The following PCDHGA12 variants were observed in gnomAD, a reference collection of about 807,000 sequenced individuals.
PCDHGA12 encodes the protein protocadherin gamma-A12.
Under a neutral mutation model 61.1 loss-of-function variants are expected in PCDHGA12, and 43 were observed. The observed-to-expected ratio is 0.70, with a 90% CI of 0.55 to 0.91. PCDHGA12 has a LOEUF of 0.91. Among genes scored for constraint, PCDHGA12 ranks in the 40% least tolerant of loss-of-function variants. The pLI, the probability that PCDHGA12 is intolerant of heterozygous loss-of-function variation, is 0.00. For synonymous variants in PCDHGA12, 520 were observed against 542.9 expected (o/e 0.96, Z 0.59); for missense variants, 1,236 against 1,227.7 (o/e 1.01, Z -0.10).
chr5:141,470,708 A>T (rs1293545270), intron 1 of PCDHGA12, among the ~76,000 whole-genome samples: 1 of 151,804 alleles, frequency 6.6e-6, no homozygotes. Flanking sequence ...TTTTTATTTT[A>T]TTTTTTTGAG....
chr5:141,470,742 G>T (rs2099238719), intron 1 of PCDHGA12, among the ~76,000 whole-genome samples: 1 of 152,066 alleles, frequency 6.6e-6, no homozygotes, highest in African/African-American at 2.4e-5. Flanking sequence ...CTGTCGCCCT[G>T]GCTGGAGTGC....
rs764482722 is a variant in PCDHGA12 at position 141,432,066 on chromosome 5, C to T, written c.1307C>T (p.Thr436Ile). 62 of 1,614,062 alleles carry T rather than the reference C, an allele frequency of 3.8e-5. No individual in the cohort carries two copies. The highest frequency in any genetic ancestry group is 5.2e-5 in the Non-Finnish European group (61 of 1,180,046). The change falls in exon 1 of 4, where the codon ACT becomes ATT. Residue 436 changes from threonine (T) to isoleucine (I), a missense_variant. Coordinates refer to ENST00000252085, the MANE Select transcript of PCDHGA12 (RefSeq NM_003735.3). The surrounding 1 kb of genome is among the most constrained non-coding windows in gnomAD (Gnocchi z 6.0). ...GGAACCCCGCCCCTATCCACGGAAA[C>T]TCATATCTCGCTGAACGTGGCAGAC... ...DRGTPPLSTE[T>I]HISLNVADTN...
chr5:141,480,224 T>G (rs2099514647), intron 1 of PCDHGA12, among the ~76,000 whole-genome samples: 1 of 146,584 alleles, frequency 6.8e-6, no homozygotes, highest in Non-Finnish European at 1.5e-5. Context: ...AGCGACATAG[T>G]GAGATCCTGT....
At chr5:141,502,534 C>T (rs565889110) in intron 2 of PCDHGA12, among the ~76,000 whole-genome samples, 10 of 152,074 alleles carry the variant, frequency 6.6e-5, no homozygotes, top group Non-Finnish European at 1.0e-4. Context: ...CGAGTTTGTT[C>T]GTGTGGTAAA....
intron 2 of PCDHGA12, among the ~76,000 whole-genome samples, chr5:141,501,420 T>C (rs1429838126): frequency 6.6e-6 from 1 of 152,006 alleles, no homozygotes; most frequent in Non-Finnish European, 1.5e-5. Context: ...AATAGTTGAC[T>C]AAATGTAGTC....
intron 1 of PCDHGA12, among the ~76,000 whole-genome samples, chr5:141,464,934 G>T (rs1353581045): frequency 1.3e-5 from 2 of 151,416 alleles, no homozygotes; most frequent in African/African-American, 4.8e-5. Flanking sequence ...GAGATGTGAG[G>T]TCTCACTATG....
At position 141,489,314 on chromosome 5, in the gene PCDHGA12, G is replaced by C. The variant is rs374235290; in HGVS notation, c.2425-5493G>C. The stretch of plus-strand genomic sequence containing the variant: ...TGCATGTTGTCCTTGTGCTGCTGGG[G>C]CTGGGTGTCTGGGCAGCTTCGTTAC... On this transcript the variant is annotated intron_variant, in intron 1 of 3. Coordinates refer to ENST00000252085, the MANE Select transcript of PCDHGA12 (RefSeq NM_003735.3). This position sits in a 1 kb window ranked among gnomAD's most constrained non-coding sequence, Gnocchi z 4.5. 2 of 1,596,790 alleles carry C rather than the reference G, an allele frequency of 1.3e-6. No homozygotes were observed. The highest frequency in any genetic ancestry group is 2.2e-5 in the East Asian group (1 of 44,724).
At position 141,445,006 on chromosome 5, in the gene PCDHGA12, G is replaced by A. The variant is rs550056654; in HGVS notation, c.2424+11823G>A. Among the ~76,000 whole-genome samples, 51 of 152,044 alleles carry A rather than the reference G, an allele frequency of 3.4e-4. 2 individuals are homozygous for A. The South Asian group carries it at 9.6e-3, about 28-fold the overall frequency. ...CATGGTATATATTTCCATTTAATTA[G>A]GTCTTTAATTTCTCTCAGCTATGTT... On this transcript the variant is annotated intron_variant, in intron 1 of 3. Transcript: ENST00000252085.
Position 141,485,210 on chromosome 5 carries a change from C to G in PCDHGA12, c.2425-9597C>G. 2 of 1,614,058 alleles carry G rather than the reference C, an allele frequency of 1.2e-6. No individual in the cohort carries two copies. The highest frequency in any genetic ancestry group is 1.7e-6 in the Non-Finnish European group (2 of 1,179,934). On this transcript the variant is annotated intron_variant, in intron 1 of 3. Transcript: ENST00000252085. The surrounding 1 kb of genome is among the most constrained non-coding windows in gnomAD (Gnocchi z 5.7). ...GGTGAGAAGCTGGACAGAAATCTGG[C>G]GGTGGGCTACCCTTTTGTTCCTCTT...
chr5:141,431,473 C>T lies in PCDHGA12; in HGVS notation c.714C>T (p.Asn238=), dbSNP rs750300971. ...IRVMVLDAND[N]APAFAQPEYR... is the part of the protein sequence containing the mutation. ...TGATGGTTCTGGATGCGAACGACAA[C>T]GCACCAGCGTTTGCTCAGCCCGAGT... Residue 238 remains asparagine, a synonymous_variant, in exon 1 of 4, where the codon AAC becomes AAT. Coordinates refer to ENST00000252085, the MANE Select transcript of PCDHGA12 (RefSeq NM_003735.3). This position sits in a 1 kb window ranked among gnomAD's most constrained non-coding sequence, Gnocchi z 4.8. 4.3e-6 allele frequency: 7 copies of T among 1,613,832 alleles called. No individual in the cohort carries two copies. The Admixed American group carries it at 1.2e-4, about 27-fold the overall frequency.
rs2097383894 is a variant in PCDHGA12, at chr5:141,431,489, C to T, written c.730C>T (p.Gln244Ter). The change falls in exon 1 of 4, where the codon CAG becomes TAG. Residue 244 changes from glutamine (Q) to a stop codon, truncating the protein, a stop_gained. Transcript: ENST00000252085. LOFTEE classifies it high-confidence loss of function. This position sits in a 1 kb window ranked among gnomAD's most constrained non-coding sequence, Gnocchi z 4.8. Reference protein sequence around the residue: ...DANDNAPAFAQPEYRASVPEN... With the variant: ...DANDNAPAFA ...GAACGACAACGCACCAGCGTTTGCTCAGCCCGAGTACCGCGCGAGCGTTCC... is the reference window on the plus strand; with the variant it reads ...GAACGACAACGCACCAGCGTTTGCTTAGCCCGAGTACCGCGCGAGCGTTCC... The T allele has an allele frequency of 1.2e-6, 2 of 1,613,850 alleles. No homozygotes were observed. The highest frequency in any genetic ancestry group is 3.3e-5 in the Admixed American group (2 of 60,016).
rs543209695 is a variant in PCDHGA12, at chr5:141,431,563, C to A, written c.804C>A (p.Asp268Glu). The stretch of plus-strand genomic sequence containing the variant: ...AGCTGCTTGTAGTCAACGCTACCGA[C>A]CCTGACGAAGGAGTCAATGCGGAAG... ...GTQLLVVNAT[D>E]PDEGVNAEVR... Residue 268 changes from aspartate (D) to glutamate (E), a missense_variant, in exon 1 of 4, where the codon GAC becomes GAA. Physicochemically the swap from Asp to Glu is conservative, Grantham distance 45. Coordinates refer to ENST00000252085, the MANE Select transcript of PCDHGA12 (RefSeq NM_003735.3). The surrounding 1 kb of genome is among the most constrained non-coding windows in gnomAD (Gnocchi z 4.8). 1.2e-6 allele frequency: 2 copies of A among 1,614,144 alleles called. No individual in the cohort carries two copies. The highest frequency in any genetic ancestry group is 2.7e-5 in the African/African-American group (2 of 75,072).
chr5:141,446,757 G>A (rs769049265), intron 1 of PCDHGA12, among the ~76,000 whole-genome samples: 10 of 152,158 alleles, frequency 6.6e-5, no homozygotes, highest in African/African-American at 1.4e-4. Context: ...GTGAGCCACC[G>A]CGCCCAGCCG....
chr5:141,494,924 TGGGAGGAGATGGGGGAG>T, intron 2 of PCDHGA12, 59 bp downstream of exon 2: 1 of 1,613,498 alleles, frequency 6.2e-7, no homozygotes, highest in Admixed American at 1.7e-5. Flanking sequence ...AGGGATGACG[TGGGAGGAGATGGGGGAG>T]GGCCCAGCAT....
intron 1 of PCDHGA12, among the ~76,000 whole-genome samples, chr5:141,435,547 G>T (rs2097769325): frequency 6.6e-6 from 1 of 152,114 alleles, no homozygotes. Context: ...AACAAAATGT[G>T]TTTTGAGTGC....
At chr5:141,436,256 C>T (rs953463822) in intron 1 of PCDHGA12, among the ~76,000 whole-genome samples, 1 of 152,100 alleles carries the variant, frequency 6.6e-6, no homozygotes, top group South Asian at 2.1e-4. Context: ...TTATTCTGAC[C>T]TCTGCTCACC....
At chr5:141,495,014 G>A (rs561045298) in intron 2 of PCDHGA12, 149 bp downstream of exon 2, 13 of 1,510,430 alleles carry the variant, frequency 8.6e-6, no homozygotes, top group South Asian at 7.5e-5. Flanking sequence ...GCGGGGGGCT[G>A]GCACACAGAC....
At chr5:141,495,804 T>G (rs894259635) in intron 2 of PCDHGA12, among the ~76,000 whole-genome samples, 1 of 152,168 alleles carries the variant, frequency 6.6e-6, no homozygotes, top group South Asian at 2.1e-4. Flanking sequence ...TTTCACCGTT[T>G]CCTAGCGCCT....
intron 1 of PCDHGA12, chr5:141,479,196 C>T (rs2099489838): frequency 2.0e-5 from 3 of 152,432 alleles, no homozygotes; most frequent in African/African-American, 7.2e-5. Context: ...TCAGAAAATA[C>T]AGAAAAGTAT....
Sources: gnomAD v4.1 joint callset for allele counts (sites outside exome capture counted in the v4.1 genomes callset) on GRCh38, gnomAD v4.1.1 for gene constraint, Gnocchi (gnomAD v3.1) non-coding constraint, MANE v1.5 for transcripts, NCBI Gene and HGNC (gene_info 2026-07-23, HGNC 2026-07-21) for gene names.